The following PHEX variants were observed in gnomAD, a reference collection of about 807,000 sequenced individuals.
PHEX encodes phosphate-regulating neutral endopeptidase PHEX.
Under a neutral mutation model 68.0 loss-of-function variants are expected in PHEX, and 16 were observed. The observed-to-expected ratio is 0.24, with a 90% CI of 0.16 to 0.36. The LOEUF is 0.36. Ranked by LOEUF, PHEX falls within the 10% of genes least tolerant of loss-of-function variation. The probability of loss-of-function intolerance (pLI) is 1.00; values close to 1 mark genes in which losing one functional copy is unlikely to be tolerated. For missense variants in PHEX, 480 were observed against 575.5 expected, an observed-to-expected ratio of 0.83 and a Z score of 1.70; for synonymous variants, 208 against 205.1, an observed-to-expected ratio of 1.01 and a Z score of -0.12.
chrX:22,146,126 T>C (rs980066320), intron 12 of PHEX, among the ~76,000 whole-genome samples: 2 of 112,404 alleles, frequency 1.8e-5, no homozygotes, highest in African/African-American at 6.5e-5. Context: ...ATATTCTCTT[T>C]AATGTTTAAC....
Position 22,221,688 on chromosome X carries a change from C to A in PHEX, c.1844C>A (p.Thr615Lys), listed in dbSNP as rs1935273231. ...TCAGAAGAAAAGTTTAAGGAAAAAA[C>A]AAAATGCATGATTAACCAGTATAGC... ...TESEEKFKEK[T>K]KCMINQYSNY... Residue 615 changes from threonine (T) to lysine (K), a missense_variant, in exon 18 of 22, where the codon ACA (threonine) becomes AAA (lysine). Thr to Lys is a moderately conservative substitution (Grantham distance 78, BLOSUM62 -1). Transcript: ENST00000379374. The A allele has an allele frequency of 8.3e-7, 1 of 1,199,216 alleles. No individual in the cohort carries two copies. Among genetic ancestry groups the A allele is most frequent in the Admixed American group, 2.2e-5 (1 of 45,800 alleles).
chrX:22,054,121 AT>A (rs1300547869), intron 3 of PHEX, among the ~76,000 whole-genome samples: 1 of 111,497 alleles, frequency 9.0e-6, no homozygotes, highest in Non-Finnish European at 1.9e-5. Flanking sequence ...AAAGTTCTTA[AT>A]TTTTTAAAAT....
At chrX:22,122,949 G>A (rs1227386803) in intron 11 of PHEX, among the ~76,000 whole-genome samples, 5 of 108,763 alleles carry the variant, frequency 4.6e-5, no homozygotes, top group Non-Finnish European at 5.7e-5. Context: ...TCACAAGGCC[G>A]GTCCAGATTT....
At chrX:22,124,611 CTGAT>C (rs1378655066) in intron 11 of PHEX, among the ~76,000 whole-genome samples, 1 of 112,322 alleles carries the variant, frequency 8.9e-6, no homozygotes, top group African/African-American at 3.2e-5. Flanking sequence ...CTATTTGAGA[CTGAT>C]TGACTTGTAA....
At chrX:22,113,277 G>A (rs776835842) in intron 10 of PHEX, among the ~76,000 whole-genome samples, 3 of 111,489 alleles carry the variant, frequency 2.7e-5, no homozygotes, top group East Asian at 5.7e-4. Context: ...TAGATTCATC[G>A]CTTACCTCTG....
intron 15 of PHEX, 25 bp downstream of exon 15, chrX:22,190,527 T>TG: frequency 1.0e-6 from 1 of 999,656 alleles, no homozygotes. Context: ...CTTGTCTCCT[T>TG]GGTAACCTGG....
chrX:22,145,705 T>C (rs1932668447), intron 12 of PHEX, among the ~76,000 whole-genome samples: 1 of 111,460 alleles, frequency 9.0e-6, no homozygotes, highest in African/African-American at 3.3e-5. Context: ...CCATTGATAA[T>C]ATTTCATTGA....
chrX:22,231,541 T>TTGGAATTTATCCATTTC (rs1935736380), intron 20 of PHEX, among the ~76,000 whole-genome samples: 1 of 112,053 alleles, frequency 8.9e-6, no homozygotes. Context: ...TCTTCTAGAT[T>TTGGAATTTATCCATTTC]TTCTAGTTTA....
intron 21 of PHEX, 79 bp downstream of exon 21, chrX:22,245,488 C>A: frequency 1.5e-6 from 1 of 681,406 alleles, no homozygotes; most frequent in Non-Finnish European, 2.4e-6. Context: ...TCCAAGGGCT[C>A]TACCAGATAG....
intron 20 of PHEX, among the ~76,000 whole-genome samples, chrX:22,239,301 A>G (rs918105079): frequency 8.1e-5 from 9 of 111,527 alleles, no homozygotes; most frequent in African/African-American, 2.3e-4. Context: ...AAAGGCTGAA[A>G]ACTCCAAAAC....
intron 18 of PHEX, among the ~76,000 whole-genome samples, chrX:22,224,993 G>GACTTA: frequency 1.0e-5 from 1 of 99,032 alleles, no homozygotes; most frequent in Non-Finnish European, 2.1e-5. Context: ...AGCTCTGTAT[G>GACTTA]TCAGAAGTCT....
intron 15 of PHEX, among the ~76,000 whole-genome samples, chrX:22,202,252 T>C (rs1934581046): frequency 8.9e-6 from 1 of 112,109 alleles, no homozygotes; most frequent in Admixed American, 9.5e-5. Flanking sequence ...AGTGTTCAAT[T>C]GAGAAAACAC....
chrX:22,249,208 C>CGTGTGTGTGTGCGTGTGT lies in PHEX; in HGVS notation c.*1266_*1267insCGTGTGTGTGTGTGTGTG, dbSNP rs1555900566. On this transcript the variant is annotated 3_prime_UTR_variant, in exon 22 of 22. Coordinates refer to ENST00000379374, the MANE Select transcript of PHEX (RefSeq NM_000444.6). ...AGTGAACTCCTTTCTTATTACTGAG[C>CGTGTGTGTGTGCGTGTGT]GTGTGTGTGTGTGTGTGTGTGTGTG... 1.2e-5 allele frequency: 1 copy of CGTGTGTGTGTGCGTGTGT among 86,058 alleles called. No homozygotes were observed. Among genetic ancestry groups the CGTGTGTGTGTGCGTGTGT allele is most frequent in the African/African-American group, 4.9e-5 (1 of 20,401 alleles). 7.1% of individuals were successfully genotyped at this position (86,058 alleles called of 1,213,427 possible). A position where few individuals can be genotyped will look rare whatever the true frequency, so the allele number is the denominator to read the frequency against.
intron 3 of PHEX, among the ~76,000 whole-genome samples, chrX:22,063,584 C>T (rs772322486): frequency 2.3e-4 from 26 of 111,926 alleles, no homozygotes; most frequent in Admixed American, 1.2e-3. Context: ...CTGCATAGCC[C>T]GCTGTGTCTC....
At chrX:22,074,415 G>A (rs1032235561) in intron 3 of PHEX, among the ~76,000 whole-genome samples, 1 of 110,538 alleles carries the variant, frequency 9.0e-6, no homozygotes, top group African/African-American at 3.3e-5. Flanking sequence ...ATTTGTGCAT[G>A]GTTAGTGTTT....
intron 12 of PHEX, among the ~76,000 whole-genome samples, chrX:22,150,505 A>G (rs769254256): frequency 8.9e-6 from 1 of 112,428 alleles, no homozygotes; most frequent in African/African-American, 3.2e-5. Flanking sequence ...AATAGGCAAT[A>G]GGCAAACAAA....
intron 13 of PHEX, among the ~76,000 whole-genome samples, chrX:22,174,190 C>T (rs964498854): frequency 1.5e-4 from 17 of 111,908 alleles, no homozygotes; most frequent in African/African-American, 5.5e-4. Context: ...ATTGAAAAGT[C>T]AAGAGATGGA....
chrX:22,249,455 A>AAATATATATATATATAT lies in PHEX; in HGVS notation c.*1503_*1504insATATATATATATATATA. The AAATATATATATATATAT allele has an allele frequency of 4.8e-4, 19 of 39,744 alleles. No homozygotes were observed. The highest frequency in any genetic ancestry group is 6.7e-4 in the African/African-American group (4 of 6,009). The allele number at this position is 39,744 out of a possible 1,213,427, so 3.3% of individuals were successfully genotyped here. ...TTGTGATTCTTTTAAAAAAAAAAAA[A>AAATATATATATATATAT]ATATATATATATATATATATATATA... On this transcript the variant is annotated 3_prime_UTR_variant, in exon 22 of 22. Coordinates refer to ENST00000379374, the MANE Select transcript of PHEX (RefSeq NM_000444.6).
intron 3 of PHEX, among the ~76,000 whole-genome samples, chrX:22,051,735 G>A: frequency 9.0e-6 from 1 of 110,700 alleles, no homozygotes; most frequent in Middle Eastern, 4.7e-3. Context: ...TATATATAGT[G>A]TATCATCCTC....
Sources: allele counts gnomAD v4.1 joint callset (sites outside exome capture counted in the v4.1 genomes callset), GRCh38; gene constraint gnomAD v4.1.1; transcripts MANE v1.5; gene names NCBI Gene and HGNC (gene_info 2026-07-23, HGNC 2026-07-21).